DNAH3: variants seen among roughly 807,000 people sequenced by gnomAD.
DNAH3 encodes dynein axonemal heavy chain 3.
A neutral mutation model predicts 432.5 loss-of-function variants in DNAH3; 332 were observed. That is an observed-to-expected ratio of 0.77 (90% CI 0.70 to 0.84). The LOEUF is 0.84. Ranked by LOEUF, DNAH3 falls within the 40% of genes least tolerant of loss-of-function variation. The probability of loss-of-function intolerance (pLI) is 0.00; values close to 1 mark genes in which losing one functional copy is unlikely to be tolerated. For synonymous variants in DNAH3, 1,956 were observed against 1,900.2 expected (o/e 1.03, Z -0.76); for missense variants, 4,861 against 5,114.0 (o/e 0.95, Z 1.51).
At chr16:21,080,533 C>T (rs1201808822) in intron 20 of DNAH3, among the ~76,000 whole-genome samples, 2 of 152,212 alleles carry the variant, frequency 1.3e-5, no homozygotes, top group African/African-American at 4.8e-5. Flanking sequence ...TTCAGACTAG[C>T]TGCACTGTAG....
intron 25 of DNAH3, among the ~76,000 whole-genome samples, chr16:21,061,475 C>T (rs1373054820): frequency 2.0e-5 from 3 of 152,080 alleles, no homozygotes; most frequent in Admixed American, 6.6e-5. Context: ...CCACCCGCCT[C>T]GGCCTCCCAA....
At chr16:21,005,206 CCT>C (rs1428620751) in intron 41 of DNAH3, among the ~76,000 whole-genome samples, 1 of 146,878 alleles carries the variant, frequency 6.8e-6, no homozygotes, top group African/African-American at 2.5e-5. Flanking sequence ...TCCCTCCTTC[CCT>C]CTCTCCTTCT....
At chr16:20,984,029 G>GAAAAAAAAAA (rs61475224) in intron 48 of DNAH3, among the ~76,000 whole-genome samples, 4 of 112,152 alleles carry the variant, frequency 3.6e-5, no homozygotes, top group African/African-American at 1.4e-4. Context: ...CCTATATCCA[G>GAAAAAAAAAA]AAAAAAAAAA....
chr16:20,943,560 C>G (rs1392899270), intron 58 of DNAH3, among the ~76,000 whole-genome samples: 1 of 152,086 alleles, frequency 6.6e-6, no homozygotes, highest in South Asian at 2.1e-4. Context: ...CTTTTCATTC[C>G]TCTCAAAAAG....
intron 32 of DNAH3, 28 bp from the exon 33 acceptor site, chr16:21,039,971 G>A (rs141161326): frequency 4.1e-4 from 646 of 1,572,492 alleles, no homozygotes; most frequent in Non-Finnish European, 5.0e-4. Flanking sequence ...AATCAGAATC[G>A]GAACACGTGC....
chr16:21,086,878 G>A (rs1482094457), exon 19 of DNAH3: 3 of 1,613,998 alleles, frequency 1.9e-6, no homozygotes, highest in East Asian at 2.2e-5. Context: ...TTCATTCCTG[G>A]GTTGCAGGAA....
chr16:20,942,454 C>T (rs1189949080), intron 58 of DNAH3, among the ~76,000 whole-genome samples: 1 of 152,210 alleles, frequency 6.6e-6, no homozygotes, highest in Non-Finnish European at 1.5e-5. Context: ...AATTCTTTCC[C>T]TCTTCCCACT....
chr16:21,145,715 T>C (rs1411503387), intron 2 of DNAH3, among the ~76,000 whole-genome samples: 4 of 152,206 alleles, frequency 2.6e-5, no homozygotes, highest in Non-Finnish European at 5.9e-5. Context: ...CATTTTACAA[T>C]GAAACACGCA....
At position 21,087,076 on chromosome 16, in the gene DNAH3, G is replaced by A. The variant is rs200098693; in HGVS notation, c.2666-16C>T. On this transcript the variant is annotated splice_polypyrimidine_tract_variant and intron_variant, in intron 18 of 61. Coordinates refer to ENST00000261383, the Ensembl canonical transcript of DNAH3. ...AAGAGGGGTCCTGAAATAGAAGAGT[G>A]AGGGAAAGGTCAGACCATCATGTGG... 6.2e-6 allele frequency: 10 copies of A among 1,602,800 alleles called. No individual in the cohort carries two copies. The highest frequency in any genetic ancestry group is 4.0e-5 in the African/African-American group (3 of 74,774).
chr16:21,103,839 T>C (rs1296598374), intron 16 of DNAH3: 2 of 152,388 alleles, frequency 1.3e-5, no homozygotes, highest in East Asian at 3.8e-4. Flanking sequence ...TGTAAAACCA[T>C]GTCCATGGCA....
intron 41 of DNAH3, among the ~76,000 whole-genome samples, chr16:21,008,184 TTCTC>T (rs1248093684): frequency 6.6e-6 from 1 of 151,986 alleles, no homozygotes; most frequent in African/African-American, 2.4e-5. Context: ...CTGTTAAACA[TTCTC>T]TCTCTCTCTC....
At position 21,081,730 on chromosome 16, in the gene DNAH3, G is replaced by T; in HGVS notation, c.2878-3C>A. The T allele has an allele frequency of 8.1e-6, 13 of 1,612,596 alleles. No homozygotes were observed. Among genetic ancestry groups the T allele is most frequent in the Non-Finnish European group, 1.1e-5 (13 of 1,178,884 alleles). On this transcript the variant is annotated splice_polypyrimidine_tract_variant and splice_region_variant and intron_variant, in intron 19 of 61. Transcript: ENST00000261383. Reference sequence around the variant, plus strand: ...TCATAGCCAACAATCTCACTGATCTGCAAAGAAAAGAGGAAAGCAAATGTT... The same window carrying T: ...TCATAGCCAACAATCTCACTGATCTTCAAAGAAAAGAGGAAAGCAAATGTT...
At chr16:21,116,454 CGAG>C (rs1220369384) in intron 12 of DNAH3, among the ~76,000 whole-genome samples, 1 of 152,074 alleles carries the variant, frequency 6.6e-6, no homozygotes, top group Non-Finnish European at 1.5e-5. Flanking sequence ...CCTGCTGCCA[CGAG>C]AAGAAGGATG....
chr16:21,003,092 T>G lies in DNAH3; in HGVS notation c.6126+12A>C. On this transcript the variant is annotated intron_variant, in intron 42 of 61. Coordinates refer to ENST00000261383, the Ensembl canonical transcript of DNAH3. ...GAAACCAAAGTTCCATGGCCAATGA[T>G]TCTCTTTATACCTTTGCACCAGCTG... The G allele has an allele frequency of 6.4e-7, 1 of 1,551,782 alleles. No homozygotes were observed. Among genetic ancestry groups the G allele is most frequent in the Non-Finnish European group, 8.9e-7 (1 of 1,125,192 alleles).
At chr16:21,117,365 T>A in intron 11 of DNAH3, 26 bp from the exon 12 acceptor site, 5 of 1,324,014 alleles carry the variant, frequency 3.8e-6, no homozygotes, top group Non-Finnish European at 5.4e-6. Flanking sequence ...CACTTTTGCA[T>A]GTTGCAAGAC....
At chr16:20,987,880 A>C in intron 45 of DNAH3, 31 bp from the exon 46 acceptor site, 2 of 1,614,040 alleles carry the variant, frequency 1.2e-6, no homozygotes, top group Non-Finnish European at 1.7e-6. Context: ...ACAGTAGTCA[A>C]GGAGGGGCCA....
intron 20 of DNAH3, among the ~76,000 whole-genome samples, chr16:21,076,438 T>C (rs567919839): frequency 2.4e-4 from 36 of 152,354 alleles, no homozygotes; most frequent in African/African-American, 8.4e-4. Context: ...GTCTGTGGTA[T>C]GCTGTAAGAG....
chr16:20,942,266 C>T (rs2083846405), intron 58 of DNAH3, among the ~76,000 whole-genome samples: 1 of 152,134 alleles, frequency 6.6e-6, no homozygotes, highest in African/African-American at 2.4e-5. Flanking sequence ...TTTCTCAGTG[C>T]CCGTGACACC....
intron 7 of DNAH3, 143 bp downstream of exon 8, chr16:21,134,116 A>T: frequency 1.3e-6 from 1 of 757,520 alleles, no homozygotes; most frequent in Non-Finnish European, 2.1e-6. Flanking sequence ...CTTATAATTC[A>T]CATGCATATT....
Sources: gnomAD v4.1 joint callset for allele counts (sites outside exome capture counted in the v4.1 genomes callset) on GRCh38, gnomAD v4.1.1 for gene constraint, MANE v1.5 for transcripts, NCBI Gene and HGNC (gene_info 2026-07-23, HGNC 2026-07-21) for gene names.